SLC24A2: variants seen among roughly 807,000 people sequenced by gnomAD.
SLC24A2 encodes the protein solute carrier family 24 member 2, also known as sodium/potassium/calcium exchanger 2.
Under a neutral mutation model 62.0 loss-of-function variants are expected in SLC24A2, and 36 were observed. The ratio of observed to expected loss-of-function variants is 0.58; its 90% confidence interval spans 0.44 to 0.77. The LOEUF is 0.77. SLC24A2 is among the 30% of genes least tolerant of loss of function. The pLI, the probability that SLC24A2 is intolerant of heterozygous loss-of-function variation, is 0.00. For synonymous variants in SLC24A2, 358 were observed against 294.0 expected, an observed-to-expected ratio of 1.22 and a Z score of -2.23; for missense variants, 846 against 817.9, an observed-to-expected ratio of 1.03 and a Z score of -0.42.
the SLC24A2 span, among the ~76,000 whole-genome samples, chr9:20,019,141 GAAAGAAAGAAAGAA>G: frequency 1.3e-4 from 13 of 103,576 alleles, no homozygotes; most frequent in African/African-American, 4.1e-4. Flanking sequence ...AAGAAAGAAA[GAAAGAAAGAAAGAA>G]AGAGAGAGAG....
At chr9:20,288,209 A>T in the SLC24A2 span, among the ~76,000 whole-genome samples, 1 of 152,220 alleles carries the variant, frequency 6.6e-6, no homozygotes, top group East Asian at 1.9e-4. Flanking sequence ...ATACATTAGT[A>T]CATCAGTATT....
At chr9:20,084,975 CAAGTCTCA>C in the SLC24A2 span, among the ~76,000 whole-genome samples, 1 of 152,092 alleles carries the variant, frequency 6.6e-6, no homozygotes, top group Non-Finnish European at 1.5e-5. Flanking sequence ...AAAGACAGGG[CAAGTCTCA>C]AGGTCTGTTC....
intron 2 of SLC24A2, among the ~76,000 whole-genome samples, chr9:19,761,230 A>G (rs907111031): frequency 1.3e-5 from 2 of 152,070 alleles, no homozygotes; most frequent in Non-Finnish European, 2.9e-5. Context: ...TTGAGGAATC[A>G]CCAGACTATC....
the SLC24A2 span, among the ~76,000 whole-genome samples, chr9:20,088,985 T>A: frequency 2.0e-5 from 3 of 152,312 alleles, no homozygotes; most frequent in Non-Finnish European, 4.4e-5. Flanking sequence ...GTGGTCAGAC[T>A]ATTATGTGGG....
At chr9:20,302,375 T>G in the SLC24A2 span, among the ~76,000 whole-genome samples, 1 of 152,222 alleles carries the variant, frequency 6.6e-6, no homozygotes, top group Non-Finnish European at 1.5e-5. Flanking sequence ...TCCTGTTGCT[T>G]CCCATCCTTG....
chr9:19,909,444 C>T, the SLC24A2 span, among the ~76,000 whole-genome samples: 2 of 151,916 alleles, frequency 1.3e-5, no homozygotes, highest in Non-Finnish European at 2.9e-5. Flanking sequence ...AACAAACCTG[C>T]ACATTGTGCA....
At chr9:20,030,369 C>G in the SLC24A2 span, among the ~76,000 whole-genome samples, 1 of 152,206 alleles carries the variant, frequency 6.6e-6, no homozygotes. Context: ...GAAGTCATAT[C>G]TGAGGTCTGG....
chr9:19,970,995 T>C, the SLC24A2 span, among the ~76,000 whole-genome samples: 2 of 152,210 alleles, frequency 1.3e-5, no homozygotes, highest in East Asian at 1.9e-4. Context: ...CCCACTCCTA[T>C]TCTGGGCTCA....
intron 8 of SLC24A2, among the ~76,000 whole-genome samples, chr9:19,534,436 C>G (rs1833859511): frequency 6.6e-6 from 1 of 152,022 alleles, no homozygotes; most frequent in South Asian, 2.1e-4. Context: ...TATACATGTG[C>G]CATGGTGGTT....
chr9:20,057,064 T>C, the SLC24A2 span, among the ~76,000 whole-genome samples: 1 of 152,200 alleles, frequency 6.6e-6, no homozygotes, highest in Non-Finnish European at 1.5e-5. Flanking sequence ...CCAAGTAATT[T>C]TTTGTTCACT....
chr9:19,892,759 C>A, the SLC24A2 span, among the ~76,000 whole-genome samples: 1 of 151,910 alleles, frequency 6.6e-6, no homozygotes, highest in African/African-American at 2.4e-5. Flanking sequence ...CATGGAGGAA[C>A]TGAAGCTTGG....
intron 2 of SLC24A2, among the ~76,000 whole-genome samples, chr9:19,757,696 A>G (rs766287871): frequency 1.3e-5 from 2 of 152,148 alleles, no homozygotes; most frequent in Non-Finnish European, 2.9e-5. Context: ...ACTATCATTT[A>G]TTTGTCTTCA....
At chr9:20,264,306 A>T in the SLC24A2 span, among the ~76,000 whole-genome samples, 1 of 152,324 alleles carries the variant, frequency 6.6e-6, no homozygotes, top group South Asian at 2.1e-4. Flanking sequence ...CTGCTTGTAA[A>T]GTACTTGGAA....
chr9:20,157,730 G>A, the SLC24A2 span, among the ~76,000 whole-genome samples: 1 of 151,334 alleles, frequency 6.6e-6, no homozygotes, highest in Non-Finnish European at 1.5e-5. Flanking sequence ...GAGAAAAAGA[G>A]AAATAAAAAG....
At chr9:19,829,120 C>G in the SLC24A2 span, among the ~76,000 whole-genome samples, 8 of 152,190 alleles carry the variant, frequency 5.3e-5, no homozygotes, top group Admixed American at 2.6e-4. Context: ...AAATTCCCAT[C>G]ATGGAGACAA....
At chr9:20,231,989 T>TAA in the SLC24A2 span, among the ~76,000 whole-genome samples, 8 of 152,252 alleles carry the variant, frequency 5.3e-5, no homozygotes, top group Admixed American at 5.2e-4. Flanking sequence ...TCTATTGAGA[T>TAA]AATCATGTGG....
chr9:19,786,143 C>A lies in SLC24A2; in HGVS notation c.724G>T (p.Val242Leu), dbSNP rs1823163276. The stretch of plus-strand genomic sequence containing the variant: ...ATCAAGTCAACAATGTAGAAAGACA[C>A]ATCTCGAAAGAGCGGCCACCATGTC... ...NLTWWPLFRD[V>L]SFYIVDLIML... is the part of the protein sequence containing the mutation. The change falls in exon 2 of 11, where the codon GTG becomes TTG. Residue 242 changes from valine to leucine, a missense_variant. Coordinates refer to ENST00000341998, the MANE Select transcript of SLC24A2 (RefSeq NM_020344.4). The surrounding 1 kb of genome is among the most constrained non-coding windows in gnomAD (Gnocchi z 5.0). 1 of 1,614,202 alleles carries A rather than the reference C, an allele frequency of 6.2e-7. No individual in the cohort carries two copies. The highest frequency in any genetic ancestry group is 8.5e-7 in the Non-Finnish European group (1 of 1,180,030).
chr9:19,605,632 C>A (rs559242851), intron 4 of SLC24A2, among the ~76,000 whole-genome samples: 3 of 152,112 alleles, frequency 2.0e-5, no homozygotes, highest in South Asian at 4.1e-4. Context: ...AATTCAAGGT[C>A]TTATGATTGA....
At chr9:20,257,152 A>G in the SLC24A2 span, among the ~76,000 whole-genome samples, 1 of 152,208 alleles carries the variant, frequency 6.6e-6, no homozygotes, top group Admixed American at 6.5e-5. Context: ...ATTTCAGCTT[A>G]TACCCAATGC....
Sources: allele counts gnomAD v4.1 joint callset (sites outside exome capture counted in the v4.1 genomes callset), GRCh38; gene constraint gnomAD v4.1.1; non-coding constraint Gnocchi (gnomAD v3.1); transcripts MANE v1.5; gene names NCBI Gene and HGNC (gene_info 2026-07-23, HGNC 2026-07-21).